The following SH3BGRL variants were observed in gnomAD, a reference collection of about 807,000 sequenced individuals.
SH3BGRL encodes the protein SH3 domain binding glutamate rich protein like, also known as adapter SH3BGRL.
SH3BGRL carries 7 observed loss-of-function variants against 9.8 expected under a neutral mutation model. The ratio of observed to expected loss-of-function variants is 0.72; its 90% CI spans 0.41 to 1.35. SH3BGRL has a LOEUF of 1.35. SH3BGRL is among the 40% of genes most tolerant of loss of function. The pLI is 0.01. For missense variants in SH3BGRL, 73 were observed against 84.4 expected (o/e 0.86, Z 0.53); for synonymous variants, 36 against 29.1 (o/e 1.24, Z -0.76).
intron 3 of SH3BGRL, among the ~76,000 whole-genome samples, chrX:81,279,515 C>T (rs531429807): frequency 9.0e-6 from 1 of 111,186 alleles, no homozygotes; most frequent in Admixed American, 9.5e-5. Flanking sequence ...GTGAGTGCCC[C>T]AACTGAGGAA....
chrX:81,234,440 G>A (rs2075641732), intron 1 of SH3BGRL, among the ~76,000 whole-genome samples: 1 of 111,844 alleles, frequency 8.9e-6, no homozygotes, highest in Non-Finnish European at 1.9e-5. Context: ...TTCTTCCAAT[G>A]TTTTGATTAT....
At chrX:81,215,984 A>G (rs765590689) in intron 1 of SH3BGRL, among the ~76,000 whole-genome samples, 1 of 112,052 alleles carries the variant, frequency 8.9e-6, no homozygotes, top group Non-Finnish European at 1.9e-5. Flanking sequence ...ATTATGGAAC[A>G]AAGCCCACTA....
At chrX:81,249,623 T>C (rs2075702700) in intron 1 of SH3BGRL, among the ~76,000 whole-genome samples, 1 of 112,367 alleles carries the variant, frequency 8.9e-6, no homozygotes, top group Non-Finnish European at 1.9e-5. Flanking sequence ...TCCCTTTTTA[T>C]GTAGTATTTT....
intron 1 of SH3BGRL, among the ~76,000 whole-genome samples, chrX:81,225,460 A>G (rs1438151769): frequency 1.8e-5 from 2 of 110,609 alleles, no homozygotes; most frequent in African/African-American, 6.6e-5. Context: ...ACTCTGCATG[A>G]CTATGTGTAT....
At chrX:81,264,488 G>A (rs1400450706) in intron 1 of SH3BGRL, among the ~76,000 whole-genome samples, 1 of 111,891 alleles carries the variant, frequency 8.9e-6, no homozygotes, top group Non-Finnish European at 1.9e-5. Context: ...TCTTCTGTCC[G>A]TAAACGATTT....
intron 1 of SH3BGRL, among the ~76,000 whole-genome samples, chrX:81,260,463 A>C (rs1176839842): frequency 9.0e-6 from 1 of 111,692 alleles, no homozygotes; most frequent in Non-Finnish European, 1.9e-5. Flanking sequence ...CACTTAATAC[A>C]TAATAATTAT....
intron 1 of SH3BGRL, among the ~76,000 whole-genome samples, chrX:81,251,812 C>A (rs1007657672): frequency 8.9e-6 from 1 of 111,851 alleles, no homozygotes; most frequent in Admixed American, 9.5e-5. Flanking sequence ...GGGGTAGCTT[C>A]CACTGCTAGG....
chrX:81,225,952 T>G (rs1278186709), intron 1 of SH3BGRL, among the ~76,000 whole-genome samples: 1 of 111,482 alleles, frequency 9.0e-6, no homozygotes, highest in Admixed American at 9.5e-5. Flanking sequence ...ACTCTCATCA[T>G]TTTTTATTAG....
chrX:81,270,925 A>G (rs1046261847), intron 1 of SH3BGRL, among the ~76,000 whole-genome samples: 1 of 111,702 alleles, frequency 9.0e-6, no homozygotes, highest in Non-Finnish European at 1.9e-5. Flanking sequence ...CATTGTGAGC[A>G]TGGAACTGCC....
intron 1 of SH3BGRL, among the ~76,000 whole-genome samples, chrX:81,209,795 A>G: frequency 8.9e-6 from 1 of 111,895 alleles, no homozygotes; most frequent in Non-Finnish European, 1.9e-5. Context: ...GGAGGATAGT[A>G]GCACCATGTT....
At chrX:81,270,061 A>G (rs1298538662) in intron 1 of SH3BGRL, among the ~76,000 whole-genome samples, 1 of 110,253 alleles carries the variant, frequency 9.1e-6, no homozygotes, top group Non-Finnish European at 1.9e-5. Context: ...TGTGGTTTTC[A>G]GCTCCATCTG....
chrX:81,212,991 G>A (rs914087881), intron 1 of SH3BGRL, among the ~76,000 whole-genome samples: 3 of 112,412 alleles, frequency 2.7e-5, no homozygotes, highest in Non-Finnish European at 5.6e-5. Context: ...GGTTGAGTAG[G>A]AAAGTCTTAG....
chrX:81,268,439 C>T (rs2075765411), intron 1 of SH3BGRL, among the ~76,000 whole-genome samples: 1 of 111,820 alleles, frequency 8.9e-6, no homozygotes, highest in Non-Finnish European at 1.9e-5. Context: ...TCCTTGGTTT[C>T]AAAGAACATC....
At chrX:81,265,515 C>T (rs1240947570) in intron 1 of SH3BGRL, among the ~76,000 whole-genome samples, 2 of 111,074 alleles carry the variant, frequency 1.8e-5, no homozygotes, top group Non-Finnish European at 3.8e-5. Context: ...CAGCTTCATC[C>T]ATGTCCCTGC....
intron 1 of SH3BGRL, among the ~76,000 whole-genome samples, chrX:81,211,478 T>G (rs1419403718): frequency 9.1e-6 from 1 of 110,365 alleles, no homozygotes; most frequent in African/African-American, 3.3e-5. Context: ...TCCCAGCTAC[T>G]CGGGAGGCTG....
chrX:81,288,604 T>A lies in SH3BGRL; in HGVS notation c.313-8591T>A, dbSNP rs765713940. Among the ~76,000 whole-genome samples the A allele has an allele frequency of 8.0e-5, 9 of 112,215 alleles. No individual in the cohort carries two copies. The East Asian group carries it at 2.5e-3, about 31-fold the overall frequency. On this transcript the variant is annotated intron_variant, in intron 3 of 3. Coordinates refer to ENST00000373212, the MANE Select transcript of SH3BGRL (RefSeq NM_003022.3). ...CTCAGTAAAGTTGCAGGATGCAAAATCAACATACAAAGTCAGTAGCATTTC... is the reference window on the plus strand; with the variant it reads ...CTCAGTAAAGTTGCAGGATGCAAAAACAACATACAAAGTCAGTAGCATTTC...
At chrX:81,222,065 C>T (rs149026319) in intron 1 of SH3BGRL, among the ~76,000 whole-genome samples, 1,280 of 112,288 alleles carry the variant, frequency 0.011, 19 homozygotes, top group African/African-American at 0.039. Context: ...TATACAACCT[C>T]CTTTGGTAAT....
chrX:81,211,200 G>A lies in SH3BGRL; in HGVS notation c.45+8955G>A, dbSNP rs188116528. Among the ~76,000 whole-genome samples, 460 of 111,859 alleles carry A rather than the reference G, an allele frequency of 4.1e-3. 1 individual carries two copies. Among genetic ancestry groups the A allele is most frequent in the Admixed American group, 7.9e-3 (84 of 10,580 alleles). On this transcript the variant is annotated intron_variant, in intron 1 of 3. Coordinates refer to ENST00000373212, the MANE Select transcript of SH3BGRL (RefSeq NM_003022.3). The stretch of plus-strand genomic sequence containing the variant: ...CATGAAAGAAAGCTTCTAGAAGTGT[G>A]TGATGGTTAATACTGAGTGTCAACT...
intron 1 of SH3BGRL, among the ~76,000 whole-genome samples, chrX:81,223,009 T>C (rs1474911046): frequency 1.8e-5 from 2 of 112,047 alleles, no homozygotes; most frequent in Non-Finnish European, 3.8e-5. Flanking sequence ...CACCCACTTT[T>C]TGATGGGGTT....
Sources: gnomAD v4.1 joint callset for allele counts (sites outside exome capture counted in the v4.1 genomes callset) on GRCh38, gnomAD v4.1.1 for gene constraint, MANE v1.5 for transcripts, NCBI Gene and HGNC (gene_info 2026-07-23, HGNC 2026-07-21) for gene names.